CTNNBL1: variants seen among roughly 807,000 people sequenced by gnomAD.
CTNNBL1 encodes the protein catenin beta like 1.
Under a neutral mutation model 72.7 loss-of-function variants are expected in CTNNBL1, and 31 were observed. The observed-to-expected ratio is 0.43, with a 90% CI of 0.32 to 0.58. CTNNBL1 has a LOEUF of 0.58. Among genes scored for constraint, CTNNBL1 ranks in the 20% least tolerant of loss-of-function variants. CTNNBL1 has a pLI of 0.08. For synonymous variants in CTNNBL1, 240 were observed against 267.3 expected, an observed-to-expected ratio of 0.90 and a Z score of 1.00; for missense variants, 534 against 725.1, an observed-to-expected ratio of 0.74 and a Z score of 3.03.
At chr20:37,702,401 A>G (rs1292617619) in intron 1 of CTNNBL1, among the ~76,000 whole-genome samples, 2 of 152,148 alleles carry the variant, frequency 1.3e-5, no homozygotes, top group African/African-American at 2.4e-5. Flanking sequence ...TGTTGTGTGT[A>G]TAAGAAACAT....
chr20:37,762,237 G>T (rs1308127465), intron 5 of CTNNBL1, among the ~76,000 whole-genome samples: 1 of 150,936 alleles, frequency 6.6e-6, no homozygotes, highest in Non-Finnish European at 1.5e-5. Context: ...GATTCAGTGG[G>T]TGTGGGGTTT....
At chr20:37,779,564 G>A (rs1453265044) in intron 10 of CTNNBL1, among the ~76,000 whole-genome samples, 1 of 152,116 alleles carries the variant, frequency 6.6e-6, no homozygotes, top group Non-Finnish European at 1.5e-5. Context: ...GTGCCCTACT[G>A]TGGTGGTTGC....
At chr20:37,870,141 A>T (rs2122885452) in intron 15 of CTNNBL1, among the ~76,000 whole-genome samples, 1 of 152,002 alleles carries the variant, frequency 6.6e-6, no homozygotes, top group African/African-American at 2.4e-5. Context: ...GCCCACCATG[A>T]CACTCTCTGA....
intron 11 of CTNNBL1, among the ~76,000 whole-genome samples, chr20:37,825,224 G>A (rs1297417313): frequency 1.3e-5 from 2 of 152,008 alleles, no homozygotes; most frequent in African/African-American, 4.8e-5. Context: ...ATGGTGGCAG[G>A]CACCTGTAAT....
intron 11 of CTNNBL1, among the ~76,000 whole-genome samples, chr20:37,838,483 A>G (rs2072274034): frequency 6.6e-6 from 1 of 152,218 alleles, no homozygotes; most frequent in African/African-American, 2.4e-5. Flanking sequence ...AGGCATTTTC[A>G]CTGGTTTTGG....
chr20:37,791,164 A>T (rs2073722044), intron 10 of CTNNBL1, among the ~76,000 whole-genome samples: 1 of 152,136 alleles, frequency 6.6e-6, no homozygotes, highest in African/African-American at 2.4e-5. Context: ...TTGTTGAAGG[A>T]TATTTGGGTT....
chr20:37,744,047 T>A lies in CTNNBL1; in HGVS notation c.327-2421T>A, dbSNP rs144927616. 4.1e-3 allele frequency among the ~76,000 whole-genome samples: 622 copies of A among 151,916 alleles called. 6 individuals are homozygous for A. The highest frequency in any genetic ancestry group is 0.016 in the East Asian group (85 of 5,176). ...AAGGGCAAACACTTTTCTCTGATTA[T>A]TTTTTTTGCAGTGTAGGATAGAGAT... On this transcript the variant is annotated intron_variant, in intron 3 of 15. Coordinates refer to ENST00000361383, the MANE Select transcript of CTNNBL1 (RefSeq NM_030877.5).
At chr20:37,846,800 C>T (rs1410869837) in intron 13 of CTNNBL1, among the ~76,000 whole-genome samples, 1 of 152,170 alleles carries the variant, frequency 6.6e-6, no homozygotes, top group African/African-American at 2.4e-5. Context: ...CCTGAGCCTC[C>T]TCTCTGCTAT....
chr20:37,774,458 A>T (rs539954556), intron 7 of CTNNBL1, among the ~76,000 whole-genome samples: 1 of 152,280 alleles, frequency 6.6e-6, no homozygotes, highest in South Asian at 2.1e-4. Context: ...TTGGGGAGTT[A>T]TCGGGCCTCA....
intron 11 of CTNNBL1, among the ~76,000 whole-genome samples, chr20:37,832,997 A>G (rs913208583): frequency 5.3e-5 from 8 of 152,130 alleles, no homozygotes; most frequent in Non-Finnish European, 8.8e-5. Flanking sequence ...CTCCATGGAA[A>G]ATGTTACATT....
intron 7 of CTNNBL1, among the ~76,000 whole-genome samples, chr20:37,776,383 C>T (rs2073573650): frequency 6.6e-6 from 1 of 152,120 alleles, no homozygotes. Context: ...CTGTGAATGG[C>T]GGTAAGGTGA....
intron 11 of CTNNBL1, among the ~76,000 whole-genome samples, chr20:37,817,202 C>T (rs2072067898): frequency 6.6e-6 from 1 of 152,158 alleles, no homozygotes; most frequent in African/African-American, 2.4e-5. Flanking sequence ...CTTAAGGAGA[C>T]GTCGGAGAAC....
chr20:37,736,870 A>G (rs990119794), intron 2 of CTNNBL1, among the ~76,000 whole-genome samples: 6 of 152,276 alleles, frequency 3.9e-5, no homozygotes, highest in South Asian at 4.1e-4. Flanking sequence ...CCAATGTGAT[A>G]TACCCGAAAA....
intron 7 of CTNNBL1, among the ~76,000 whole-genome samples, chr20:37,775,916 A>G (rs1001145107): frequency 5.9e-5 from 9 of 152,234 alleles, no homozygotes; most frequent in African/African-American, 2.2e-4. Context: ...ATGCTAATGT[A>G]TAAGTTGGTG....
chr20:37,714,713 G>C (rs2072971038), intron 1 of CTNNBL1, among the ~76,000 whole-genome samples: 1 of 152,206 alleles, frequency 6.6e-6, no homozygotes, highest in South Asian at 2.1e-4. Context: ...AAAATAAGAG[G>C]TTGTACAGAA....
chr20:37,699,503 C>G (rs2072822144), intron 1 of CTNNBL1, among the ~76,000 whole-genome samples: 1 of 152,240 alleles, frequency 6.6e-6, no homozygotes, highest in South Asian at 2.1e-4. Flanking sequence ...CTGAAACCAG[C>G]TGAACACTCA....
At chr20:37,713,379 A>G (rs988555378) in intron 1 of CTNNBL1, among the ~76,000 whole-genome samples, 1 of 152,226 alleles carries the variant, frequency 6.6e-6, no homozygotes, top group Admixed American at 6.5e-5. Context: ...CCATTAGAGC[A>G]GAATGGAGAC....
intron 7 of CTNNBL1, among the ~76,000 whole-genome samples, chr20:37,771,227 G>C (rs893004890): frequency 7.9e-5 from 12 of 152,152 alleles, no homozygotes; most frequent in African/African-American, 2.9e-4. Flanking sequence ...ATCACCAATG[G>C]AACTGAACAA....
chr20:37,733,802 T>C (rs2073150004), intron 2 of CTNNBL1, among the ~76,000 whole-genome samples: 1 of 152,178 alleles, frequency 6.6e-6, no homozygotes, highest in Non-Finnish European at 1.5e-5. Context: ...AGTTGTTTAT[T>C]TTGCTCATTG....
Sources: allele counts gnomAD v4.1 joint callset (sites outside exome capture counted in the v4.1 genomes callset), GRCh38; gene constraint gnomAD v4.1.1; transcripts MANE v1.5; gene names NCBI Gene and HGNC (gene_info 2026-07-23, HGNC 2026-07-21).